The following LONRF2 variants were observed in gnomAD, a reference collection of about 807,000 sequenced individuals.
LONRF2 encodes the protein LON peptidase N-terminal domain and ring finger 2, also known as LON peptidase N-terminal domain and RING finger protein 2.
In LONRF2, 35 loss-of-function variants were observed where a neutral mutation model predicts 66.6. The observed-to-expected ratio is 0.53, with a 90% confidence interval of 0.40 to 0.70. The LOEUF (loss-of-function observed/expected upper bound fraction) is 0.70, where lower values mean the gene tolerates loss of function less well. LONRF2 is among the 30% of genes least tolerant of loss of function. The pLI, the probability that LONRF2 is intolerant of heterozygous loss-of-function variation, is 0.00. For synonymous variants in LONRF2, 417 were observed against 418.1 expected, an observed-to-expected ratio of 1.00 and a Z score of 0.03; for missense variants, 902 against 1,002.1, an observed-to-expected ratio of 0.90 and a Z score of 1.35.
Position 100,308,461 on chromosome 2 carries a change from AACTG to A in LONRF2, c.798+642_798+645del, listed in dbSNP as rs1357376053. On this transcript the variant is annotated intron_variant, in intron 2 of 11. Coordinates refer to ENST00000393437, the MANE Select transcript of LONRF2 (RefSeq NM_198461.4). ...AATATAGCAAATATTTTTAATTATT[AACTG>A]ACTAAAAGAGCATGCTATAGCTGTT... Among the ~76,000 whole-genome samples the A allele has an allele frequency of 2.6e-5, 4 of 152,268 alleles. No homozygotes were observed. In the East Asian group the frequency reaches 5.8e-4, roughly 22 times the overall value.
At position 100,273,988 on chromosome 2, in the gene LONRF2, G is replaced by C. The variant is rs1384729224; in HGVS notation, c.*10310C>G. 6.6e-6 allele frequency: 1 copy of C among 152,188 alleles called. No homozygotes were observed. The highest frequency in any genetic ancestry group is 1.5e-5 in the Non-Finnish European group (1 of 68,028). 9.4% of individuals were successfully genotyped at this position (152,188 alleles called of 1,614,324 possible). On this transcript the variant is annotated 3_prime_UTR_variant, in exon 12 of 12. Transcript: ENST00000393437. ...TCGGTCACTGGTTGAACTGTTCACAGTACAAAAAGGTGACAAAACTATGAA... is the reference window on the plus strand; with the variant it reads ...TCGGTCACTGGTTGAACTGTTCACACTACAAAAAGGTGACAAAACTATGAA...
rs2105703834 is a variant in LONRF2, at chr2:100,274,285, TTCC to T, written c.*10010_*10012del. On this transcript the variant is annotated 3_prime_UTR_variant, in exon 12 of 12. Transcript: ENST00000393437. ...CCCTGCTCTGAGTGACTGAGAGAAC[TTCC>T]TTAGCTGCAGGGCTGCAGGCAGGTG... 6.6e-6 allele frequency: 1 copy of T among 152,318 alleles called. No individual in the cohort carries two copies. The highest frequency in any genetic ancestry group is 2.1e-4 in the South Asian group (1 of 4,818). 9.4% of individuals were successfully genotyped at this position (152,318 alleles called of 1,614,324 possible).
rs570015262 is a variant in LONRF2 at position 100,318,559 on chromosome 2, G to C, written c.679+2856C>G. Among the ~76,000 whole-genome samples the C allele has an allele frequency of 2.0e-5, 3 of 152,266 alleles. No individual in the cohort carries two copies. The South Asian group carries it at 6.2e-4, about 32-fold the overall frequency. On this transcript the variant is annotated intron_variant, in intron 1 of 11. Transcript: ENST00000393437. ...TAAGCATCAGACATCAGGTGTGGTG[G>C]CTCATGTCTATAATCCCAGCACTTT...
rs368180164 is a variant in LONRF2, at chr2:100,275,696, C to G, written c.*8602G>C. ...GGGGTGGGACACTTTGTTCCCACTCCCCTGAGACCTGCAGAAGCCCCTGAG... is the reference window on the plus strand; with the variant it reads ...GGGGTGGGACACTTTGTTCCCACTCGCCTGAGACCTGCAGAAGCCCCTGAG... On this transcript the variant is annotated 3_prime_UTR_variant, in exon 12 of 12. Transcript: ENST00000393437. 1.3e-5 allele frequency: 2 copies of G among 152,110 alleles called. No individual in the cohort carries two copies. The highest frequency in any genetic ancestry group is 4.8e-5 in the African/African-American group (2 of 41,398). 9.4% of individuals were successfully genotyped at this position (152,110 alleles called of 1,614,324 possible).
At position 100,321,542 on chromosome 2, in the gene LONRF2, G is replaced by T; in HGVS notation, c.552C>A (p.Ser184Arg). ...PQVRRVNVVLSGLLEKCFPAE... is the reference protein window; with the variant it reads ...PQVRRVNVVLRGLLEKCFPAE... The stretch of plus-strand genomic sequence containing the variant: ...CCGGGAAGCACTTCTCCAGCAGGCC[G>T]CTCAGCACCACGTTCACGCGCCGCA... The change falls in exon 1 of 12, where the codon AGC becomes AGA. Residue 184 changes from serine (S) to arginine (R), a missense_variant. This residue lies in a region of LONRF2 where 585 missense variants were observed against 569.9 expected (regional missense o/e 1.03). Coordinates refer to ENST00000393437, the MANE Select transcript of LONRF2 (RefSeq NM_198461.4). 6.5e-7 allele frequency: 1 copy of T among 1,549,798 alleles called. No homozygotes were observed. The highest frequency in any genetic ancestry group is 8.6e-7 in the Non-Finnish European group (1 of 1,159,922).
chr2:100,315,188 A>G (rs1391920704), intron 1 of LONRF2, among the ~76,000 whole-genome samples: 1 of 152,220 alleles, frequency 6.6e-6, no homozygotes, highest in African/African-American at 2.4e-5. Flanking sequence ...AACATCTTTC[A>G]GCTATTTCAG....
intron 9 of LONRF2, among the ~76,000 whole-genome samples, chr2:100,291,228 T>G (rs978885995): frequency 1.3e-5 from 2 of 151,724 alleles, no homozygotes. Context: ...GGCACCAGAG[T>G]GCAGGTCTGG....
intron 4 of LONRF2, among the ~76,000 whole-genome samples, chr2:100,300,425 G>A (rs1675162284): frequency 6.6e-6 from 1 of 151,930 alleles, no homozygotes; most frequent in African/African-American, 2.4e-5. Context: ...GTGATTTGGT[G>A]GTGTTCTAAA....
At chr2:100,297,975 C>T (rs113987638) in intron 7 of LONRF2, among the ~76,000 whole-genome samples, 172 of 140,958 alleles carry the variant, frequency 1.2e-3, no homozygotes, top group African/African-American at 4.3e-3. Context: ...TTTTACTGTA[C>T]GTTTGTAAAA....
intron 11 of LONRF2, among the ~76,000 whole-genome samples, chr2:100,285,146 C>T (rs377514879): frequency 6.6e-6 from 1 of 152,112 alleles, no homozygotes; most frequent in South Asian, 2.1e-4. Flanking sequence ...CTTTTTGTTT[C>T]CAGGGTCTAG....
rs115565695 is a variant in LONRF2 at position 100,319,703 on chromosome 2, T to G, written c.679+1712A>C. ...GTAGTTGATTTATTTTCTTTCTGTA[T>G]AGTATGCTATGAAAACATAATCATA... On this transcript the variant is annotated intron_variant, in intron 1 of 11. Transcript: ENST00000393437. Among the ~76,000 whole-genome samples, 501 of 152,370 alleles carry G rather than the reference T, an allele frequency of 3.3e-3. 1 individual carries two copies. Among genetic ancestry groups the G allele is most frequent in the Non-Finnish European group, 5.1e-3 (347 of 68,034 alleles).
chr2:100,284,292 GA>G lies in LONRF2; in HGVS notation c.*5del. 1 of 1,508,652 alleles carries G rather than the reference GA, an allele frequency of 6.6e-7. No individual in the cohort carries two copies. Among genetic ancestry groups the G allele is most frequent in the African/African-American group, 1.4e-5 (1 of 72,350 alleles). The allele number at this position is 1,508,652 out of a possible 1,614,324, so 93.5% of individuals were successfully genotyped here. ...GGGCTGCCAGAAACCTTGACAGAGAGAAAAATCAATTATTTCTCTCCCTGGC... is the reference window on the plus strand; with the variant it reads ...GGGCTGCCAGAAACCTTGACAGAGAGAAAATCAATTATTTCTCTCCCTGGC... On this transcript the variant is annotated 3_prime_UTR_variant, in exon 12 of 12. Transcript: ENST00000393437.
At chr2:100,307,094 G>T (rs1267867034) in intron 2 of LONRF2, among the ~76,000 whole-genome samples, 1 of 151,880 alleles carries the variant, frequency 6.6e-6, no homozygotes, top group Non-Finnish European at 1.5e-5. Context: ...CTAATTTTTT[G>T]TATTTTTAGT....
chr2:100,304,052 T>C (rs1445947677), intron 2 of LONRF2, among the ~76,000 whole-genome samples: 1 of 152,192 alleles, frequency 6.6e-6, no homozygotes, highest in Non-Finnish European at 1.5e-5. Flanking sequence ...CCTATAGATC[T>C]ATCTTCAATT....
At chr2:100,286,614 A>G (rs1674850149) in intron 11 of LONRF2, among the ~76,000 whole-genome samples, 1 of 152,244 alleles carries the variant, frequency 6.6e-6, no homozygotes, top group Non-Finnish European at 1.5e-5. Flanking sequence ...TAAAGTTACT[A>G]CTTAAATTTT....
intron 1 of LONRF2, among the ~76,000 whole-genome samples, chr2:100,317,592 C>T (rs917354369): frequency 3.9e-5 from 6 of 152,160 alleles, no homozygotes; most frequent in South Asian, 2.1e-4. Context: ...CATATGGATA[C>T]GTTTCCTTTA....
At chr2:100,293,582 C>G (rs1675004131) in intron 9 of LONRF2, among the ~76,000 whole-genome samples, 1 of 152,192 alleles carries the variant, frequency 6.6e-6, no homozygotes, top group South Asian at 2.1e-4. Flanking sequence ...GTCCCCAAAT[C>G]AGTCCACAGA....
intron 2 of LONRF2, among the ~76,000 whole-genome samples, chr2:100,308,198 T>C (rs1346746877): frequency 6.8e-6 from 1 of 147,792 alleles, no homozygotes; most frequent in Non-Finnish European, 1.5e-5. Flanking sequence ...TGAAACCCTG[T>C]CTCTACTAAA....
chr2:100,293,231 C>T (rs1250709621), intron 9 of LONRF2, among the ~76,000 whole-genome samples: 1 of 152,206 alleles, frequency 6.6e-6, no homozygotes, highest in Non-Finnish European at 1.5e-5. Context: ...CACCAACGGA[C>T]ATGGCATTTC....
Sources: gnomAD v4.1 joint callset for allele counts (sites outside exome capture counted in the v4.1 genomes callset) on GRCh38, gnomAD v4.1.1 for gene constraint, gnomAD v4.1.1 regional missense constraint, MANE v1.5 for transcripts, NCBI Gene and HGNC (gene_info 2026-07-23, HGNC 2026-07-21) for gene names.